Variants in DNAH3 observed in about 807,000 individuals in gnomAD.
The protein encoded by DNAH3 is axonemal beta dynein heavy chain 3.
In DNAH3, 332 loss-of-function variants were observed where a neutral mutation model predicts 432.5. That is an observed-to-expected ratio of 0.77 (90% CI 0.70 to 0.84). DNAH3 has a LOEUF of 0.84. Ranked by LOEUF, DNAH3 falls within the 40% of genes least tolerant of loss-of-function variation. The pLI, the probability that DNAH3 is intolerant of heterozygous loss-of-function variation, is 0.00. For missense variants in DNAH3, 4,861 were observed against 5,114.0 expected (o/e 0.95, Z 1.51); for synonymous variants, 1,956 against 1,900.2 (o/e 1.03, Z -0.76).
intron 49 of DNAH3, among the ~76,000 whole-genome samples, chr16:20,981,205 C>T (rs1426502774): frequency 6.6e-6 from 1 of 152,186 alleles, no homozygotes; most frequent in East Asian, 1.9e-4. Flanking sequence ...GGGTTTACTG[C>T]CTACATTCAT....
At position 20,933,439 on chromosome 16, in the gene DNAH3, TAAG is replaced by T. The variant is rs763869750; in HGVS notation, c.12063_12065del (p.Phe4021del). 3.1e-6 allele frequency: 5 copies of T among 1,614,002 alleles called. No homozygotes were observed. In the South Asian group the frequency reaches 5.5e-5, roughly 18 times the overall value. ...TTTTCCTGTCCCAACGGGCACCTTC[TAAG>T]AAGAGCCCTTTGATGTAGGCCCCAT... On this transcript the variant is annotated inframe_deletion, in exon 62 of 62. Transcript: ENST00000261383.
At position 21,039,830 on chromosome 16, in the gene DNAH3, C is replaced by G. The variant is rs1361623733; in HGVS notation, c.4730+22G>C. The G allele has an allele frequency of 5.1e-6, 8 of 1,569,812 alleles. No homozygotes were observed. In the South Asian group the frequency reaches 7.8e-5, roughly 15 times the overall value. On this transcript the variant is annotated intron_variant, in intron 33 of 61. Coordinates refer to ENST00000261383, the Ensembl canonical transcript of DNAH3. ...GCTATTTAAAGTCCTTTAGAATGCACTGGAAAACCCATGTAACACACCTTC... is the reference window on the plus strand; with the variant it reads ...GCTATTTAAAGTCCTTTAGAATGCAGTGGAAAACCCATGTAACACACCTTC...
At chr16:21,119,412 G>A (rs116701511) in intron 11 of DNAH3, among the ~76,000 whole-genome samples, 5,512 of 151,808 alleles carry the variant, frequency 0.036, 346 homozygotes, top group African/African-American at 0.12. Context: ...CAGGCAGATC[G>A]CTTGAGCTCA....
chr16:20,949,263 CA>C (rs34267850), intron 56 of DNAH3, among the ~76,000 whole-genome samples: 7,366 of 65,928 alleles, frequency 0.11, 140 homozygotes, highest in East Asian at 0.23. Flanking sequence ...GAGACTGTCT[CA>C]AAAAAAAAAA....
intron 16 of DNAH3, among the ~76,000 whole-genome samples, chr16:21,103,013 G>A (rs1029829756): frequency 1.3e-5 from 2 of 151,934 alleles, no homozygotes; most frequent in Non-Finnish European, 2.9e-5. Flanking sequence ...TTACAGGCAT[G>A]AGCCACTATG....
intron 16 of DNAH3, 36 bp from the exon 17 acceptor site, chr16:21,098,805 T>C (rs749330287): frequency 3.1e-6 from 5 of 1,588,168 alleles, no homozygotes; most frequent in South Asian, 2.3e-5. Context: ...CTTTGGACTT[T>C]GCATTTTGTG....
chr16:21,012,989 C>T (rs1168190099), intron 41 of DNAH3, among the ~76,000 whole-genome samples: 1 of 152,086 alleles, frequency 6.6e-6, no homozygotes, highest in East Asian at 1.9e-4. Flanking sequence ...TGGTCTCAAA[C>T]TCCTGTGCTC....
chr16:21,103,672 C>T (rs1209707104), intron 16 of DNAH3, among the ~76,000 whole-genome samples: 1 of 152,068 alleles, frequency 6.6e-6, no homozygotes, highest in Non-Finnish European at 1.5e-5. Flanking sequence ...TGTAGAAATC[C>T]CTGCTTTTAT....
chr16:21,136,991 G>A (rs1252485050), intron 5 of DNAH3, among the ~76,000 whole-genome samples: 4 of 151,924 alleles, frequency 2.6e-5, no homozygotes, highest in African/African-American at 4.8e-5. Flanking sequence ...AAAATTAGCC[G>A]GGCGTGGTGG....
At chr16:21,127,868 C>G in intron 7 of DNAH3, 56 bp from the exon 9 acceptor site, 1 of 1,604,158 alleles carries the variant, frequency 6.2e-7, no homozygotes, top group East Asian at 2.2e-5. Context: ...TAACAAATCC[C>G]GCAGGACAGG....
chr16:21,048,201 CA>C (rs2089794720), intron 31 of DNAH3, among the ~76,000 whole-genome samples: 1 of 152,266 alleles, frequency 6.6e-6, no homozygotes, highest in African/African-American at 2.4e-5. Context: ...TGGTGGGCTC[CA>C]CCCAGTTCGA....
At chr16:20,953,341 T>C (rs2084403185) in intron 55 of DNAH3, among the ~76,000 whole-genome samples, 1 of 152,030 alleles carries the variant, frequency 6.6e-6, no homozygotes, top group African/African-American at 2.4e-5. Flanking sequence ...GTAGTTTTAG[T>C]AGAGACGGGG....
chr16:20,984,029 G>GAAAAAAGAAAAAAAAAAAAAAAAAAA (rs2086051499), intron 48 of DNAH3, among the ~76,000 whole-genome samples: 5 of 112,154 alleles, frequency 4.5e-5, no homozygotes, highest in African/African-American at 1.7e-4. Context: ...CCTATATCCA[G>GAAAAAAGAAAAAAAAAAAAAAAAAAA]AAAAAAAAAA....
intron 55 of DNAH3, among the ~76,000 whole-genome samples, 164 bp from the exon 56 acceptor site, chr16:20,952,713 C>T (rs1456282323): frequency 1.3e-5 from 2 of 152,198 alleles, no homozygotes. Context: ...TTACCACCAA[C>T]ATGGGAGCCA....
chr16:20,938,396 A>G (rs1395154151), intron 59 of DNAH3, among the ~76,000 whole-genome samples: 1 of 146,444 alleles, frequency 6.8e-6, no homozygotes, highest in African/African-American at 2.5e-5. Flanking sequence ...GTCTCAATTA[A>G]AAAAAAAAAA....
chr16:21,091,350 AAAAT>A (rs1444569900), intron 18 of DNAH3, among the ~76,000 whole-genome samples: 1 of 151,558 alleles, frequency 6.6e-6, no homozygotes, highest in Non-Finnish European at 1.5e-5. Context: ...TTGTCAACTA[AAAAT>A]AAATAAGTAA....
At chr16:21,037,728 G>T (rs773669141) in intron 34 of DNAH3, 33 bp downstream of exon 34, 1 of 1,585,414 alleles carries the variant, frequency 6.3e-7, no homozygotes, top group East Asian at 2.2e-5. Context: ...ATTGAGCCTT[G>T]GTCCTCGGCC....
Position 21,134,081 on chromosome 16 carries a change from C to T in DNAH3, c.1082+178G>A, listed in dbSNP as rs572567082. On this transcript the variant is annotated intron_variant, in intron 7 of 61. Transcript: ENST00000261383. The stretch of plus-strand genomic sequence containing the variant: ...GCCCTGGGGACACAAAGGAGGGCCA[C>T]GTAAGCCTGCAAGGAAAGGTGTCAC... 95 of 590,444 alleles carry T rather than the reference C, an allele frequency of 1.6e-4. No individual in the cohort carries two copies. The African/African-American group carries it at 1.6e-3, about 10-fold the overall frequency. 36.6% of individuals were successfully genotyped at this position (590,444 alleles called of 1,614,324 possible).
At chr16:21,153,070 T>C (rs1227083153) in intron 1 of DNAH3, among the ~76,000 whole-genome samples, 1 of 152,186 alleles carries the variant, frequency 6.6e-6, no homozygotes, top group Non-Finnish European at 1.5e-5. Flanking sequence ...CTGAGTCTGA[T>C]GGGGACGTGG....
Sources: allele counts gnomAD v4.1 joint callset (sites outside exome capture counted in the v4.1 genomes callset), GRCh38; gene constraint gnomAD v4.1.1; transcripts MANE v1.5; gene names NCBI Gene and HGNC (gene_info 2026-07-23, HGNC 2026-07-21).